CNTN1: variants seen among roughly 807,000 people sequenced by gnomAD.
The protein encoded by CNTN1 is contactin-1.
CNTN1 carries 38 observed loss-of-function variants against 126.4 expected under a neutral mutation model. The ratio of observed to expected loss-of-function variants is 0.30; its 90% CI spans 0.23 to 0.39. The LOEUF is 0.39. CNTN1 is among the 10% of genes least tolerant of loss of function. CNTN1 has a pLI of 1.00. For missense variants in CNTN1, 1,009 were observed against 1,248.4 expected (o/e 0.81, Z 2.89); for synonymous variants, 413 against 422.6 (o/e 0.98, Z 0.28).
intron 1 of CNTN1, among the ~76,000 whole-genome samples, chr12:40,742,099 T>C (rs1937968737): frequency 1.3e-5 from 2 of 152,038 alleles, no homozygotes; most frequent in Admixed American, 1.3e-4. Flanking sequence ...GACCCAATAA[T>C]ATCACATTAC....
At chr12:40,910,529 A>T (rs539046768) in intron 3 of CNTN1, among the ~76,000 whole-genome samples, 2 of 152,294 alleles carry the variant, frequency 1.3e-5, no homozygotes, top group South Asian at 4.1e-4. Flanking sequence ...GGTATTGCAA[A>T]ATTTATTGTT....
At chr12:40,926,030 A>G (rs1945674455) in intron 6 of CNTN1, among the ~76,000 whole-genome samples, 1 of 151,636 alleles carries the variant, frequency 6.6e-6, no homozygotes, top group Admixed American at 6.6e-5. Context: ...GTTATACAGC[A>G]GGCACAATGT....
chr12:40,839,030 C>A (rs1942179644), intron 1 of CNTN1, among the ~76,000 whole-genome samples: 1 of 152,012 alleles, frequency 6.6e-6, no homozygotes, highest in African/African-American at 2.4e-5. Flanking sequence ...TCAGAAAAAA[C>A]AATCCAGGAT....
At position 40,993,208 on chromosome 12, in the gene CNTN1, C is replaced by A. The variant is rs1375608612; in HGVS notation, c.2052C>A (p.Thr684=). 2 of 1,613,712 alleles carry A rather than the reference C, an allele frequency of 1.2e-6. No individual in the cohort carries two copies. Among genetic ancestry groups the A allele is most frequent in the Non-Finnish European group, 1.7e-6 (2 of 1,179,714 alleles). The part of the protein sequence containing the change: ...WMEYEFRVVA[T]NTLGRGEPSI... ...AGTATGAATTCCGCGTGGTAGCAAC[C>A]AATACACTGGGTAGAGGAGAGCCCA... The change falls in exon 17 of 24, where the codon ACC becomes ACA. Residue 684 remains threonine (T), a synonymous_variant. Transcript: ENST00000551295.
Position 40,909,475 on chromosome 12 carries a change from T to C in CNTN1, c.62-598T>C, listed in dbSNP as rs550648796. Among the ~76,000 whole-genome samples, 239 of 152,064 alleles carry C rather than the reference T, an allele frequency of 1.6e-3. 1 individual carries two copies. Among genetic ancestry groups the C allele is most frequent in the South Asian group, 4.6e-3 (22 of 4,812 alleles). ...AGTAGATACTTGTTGAGTGACTGTT[T>C]TGTTCAAGACATAAATGGTCCTCAT... On this transcript the variant is annotated intron_variant, in intron 2 of 23. Transcript: ENST00000551295.
At chr12:40,766,370 A>AAG (rs1555153858) in intron 1 of CNTN1, among the ~76,000 whole-genome samples, 3 of 147,442 alleles carry the variant, frequency 2.0e-5, no homozygotes, top group Non-Finnish European at 4.5e-5. Context: ...AAAAAAAAAA[A>AAG]AAAGAAAGAA....
chr12:40,974,880 T>G (rs1383193586), intron 15 of CNTN1, among the ~76,000 whole-genome samples: 1 of 152,098 alleles, frequency 6.6e-6, no homozygotes, highest in African/African-American at 2.4e-5. Context: ...ACAGTATAAA[T>G]TTCCCCTTTT....
intron 1 of CNTN1, among the ~76,000 whole-genome samples, chr12:40,711,396 G>A (rs1941910104): frequency 6.6e-6 from 1 of 152,070 alleles, no homozygotes; most frequent in South Asian, 2.1e-4. Flanking sequence ...TTTTGGTCAA[G>A]TCTTCTTTCT....
chr12:40,866,104 T>G (rs976117900), intron 1 of CNTN1, among the ~76,000 whole-genome samples: 6 of 139,612 alleles, frequency 4.3e-5, no homozygotes, highest in Non-Finnish European at 6.3e-5. Flanking sequence ...TTTTAAATTG[T>G]ATTTTTAGAT....
intron 1 of CNTN1, among the ~76,000 whole-genome samples, chr12:40,730,156 C>T (rs1474467033): frequency 2.0e-5 from 3 of 152,186 alleles, no homozygotes; most frequent in Non-Finnish European, 4.4e-5. Context: ...CCCATTTTCT[C>T]ATTATCAGGC....
intron 12 of CNTN1, 100 bp from the exon 13 acceptor site, chr12:40,943,497 G>T: frequency 1.1e-6 from 1 of 893,988 alleles, no homozygotes; most frequent in Non-Finnish European, 1.8e-6. Context: ...GATTTATATA[G>T]AATGTAATAA....
At chr12:40,908,551 GTTTATTAAATGTA>G in intron 2 of CNTN1, 58 bp downstream of exon 2, 1 of 1,246,304 alleles carries the variant, frequency 8.0e-7, no homozygotes. Flanking sequence ...TGATATGCGT[GTTTATTAAATGTA>G]TTGTATGAAG....
At chr12:40,787,442 T>G (rs1940067569) in intron 1 of CNTN1, among the ~76,000 whole-genome samples, 1 of 152,180 alleles carries the variant, frequency 6.6e-6, no homozygotes, top group South Asian at 2.1e-4. Flanking sequence ...AGACTCTGCT[T>G]TTTGTTATTT....
chr12:40,755,608 G>A lies in CNTN1; in HGVS notation c.-77+63016G>A, dbSNP rs77014431. 7.1e-3 allele frequency among the ~76,000 whole-genome samples: 1,075 copies of A among 152,068 alleles called. 12 individuals are homozygous for A. The highest frequency in any genetic ancestry group is 0.025 in the African/African-American group (1,023 of 41,462). Reference sequence around the variant, plus strand: ...GTGTTACAATCCCAACTACTTGGGAGGTGGAAGCAGAGGATACCTTGAGCC... The same window carrying A: ...GTGTTACAATCCCAACTACTTGGGAAGTGGAAGCAGAGGATACCTTGAGCC... On this transcript the variant is annotated intron_variant, in intron 1 of 23. Transcript: ENST00000551295.
At chr12:40,899,585 T>C (rs1944535248) in intron 1 of CNTN1, among the ~76,000 whole-genome samples, 1 of 152,182 alleles carries the variant, frequency 6.6e-6, no homozygotes, top group Admixed American at 6.5e-5. Flanking sequence ...TGGCTGAACG[T>C]GTGGCCCTGG....
chr12:40,758,717 T>C (rs1309385955), intron 1 of CNTN1, among the ~76,000 whole-genome samples: 1 of 152,152 alleles, frequency 6.6e-6, no homozygotes, highest in Non-Finnish European at 1.5e-5. Context: ...ATCTGATTTT[T>C]TTATACCGCA....
At chr12:40,777,523 T>C (rs896371817) in intron 1 of CNTN1, among the ~76,000 whole-genome samples, 7 of 151,794 alleles carry the variant, frequency 4.6e-5, no homozygotes, top group Non-Finnish European at 1.0e-4. Context: ...CTATCACATA[T>C]GGCATATTGC....
At chr12:40,788,272 A>T (rs1230430272) in intron 1 of CNTN1, among the ~76,000 whole-genome samples, 1 of 152,116 alleles carries the variant, frequency 6.6e-6, no homozygotes, top group African/African-American at 2.4e-5. Flanking sequence ...AGTTCCCAGC[A>T]CATTCTAACT....
chr12:40,948,993 A>G (rs1946543714), intron 14 of CNTN1, among the ~76,000 whole-genome samples: 1 of 152,214 alleles, frequency 6.6e-6, no homozygotes, highest in Admixed American at 6.5e-5. Flanking sequence ...CATAAGCAAT[A>G]CCATTCAAGA....
Sources: allele counts gnomAD v4.1 joint callset (sites outside exome capture counted in the v4.1 genomes callset), GRCh38; gene constraint gnomAD v4.1.1; transcripts MANE v1.5; gene names NCBI Gene and HGNC (gene_info 2026-07-23, HGNC 2026-07-21).